The following ECPAS variants were observed in gnomAD, a reference collection of about 807,000 sequenced individuals.
ECPAS encodes the protein Ecm29 proteasome adaptor and scaffold.
A neutral mutation model predicts 255.1 loss-of-function variants in ECPAS; 70 were observed. The ratio of observed to expected loss-of-function variants is 0.27; its 90% CI spans 0.23 to 0.33. ECPAS has a LOEUF of 0.33. Ranked by LOEUF, ECPAS falls within the 10% of genes least tolerant of loss-of-function variation. The pLI is 1.00. For synonymous variants in ECPAS, 784 were observed against 775.0 expected, an observed-to-expected ratio of 1.01 and a Z score of -0.19; for missense variants, 1,817 against 2,206.4, an observed-to-expected ratio of 0.82 and a Z score of 3.54.
At chr9:111,399,700 C>T (rs1461015999) in intron 24 of ECPAS, among the ~76,000 whole-genome samples, 4 of 152,204 alleles carry the variant, frequency 2.6e-5, no homozygotes, top group Non-Finnish European at 4.4e-5. Flanking sequence ...CAACCAGGCA[C>T]CAGCCCACCC....
At chr9:111,481,914 T>A (rs2098305997) in intron 1 of ECPAS, among the ~76,000 whole-genome samples, 1 of 152,270 alleles carries the variant, frequency 6.6e-6, no homozygotes, top group South Asian at 2.1e-4. Context: ...GGACAGAAAG[T>A]ACAATGATGG....
chr9:111,420,386 G>A (rs1314459588), intron 15 of ECPAS, among the ~76,000 whole-genome samples: 1 of 152,112 alleles, frequency 6.6e-6, no homozygotes, highest in Non-Finnish European at 1.5e-5. Flanking sequence ...GAAGTAGGAA[G>A]ACCTCCAAGG....
At position 111,428,127 on chromosome 9, in the gene ECPAS, G is replaced by C. The variant is rs762555226; in HGVS notation, c.965C>G (p.Pro322Arg). The change falls in exon 10 of 50, where the codon CCT becomes CGT. Residue 322 changes from proline to arginine, a missense_variant. Physicochemically the swap from Pro to Arg is moderately radical, Grantham distance 103. This residue lies in a region of ECPAS where 573 missense variants were observed against 716.2 expected (regional missense o/e 0.80). Transcript: ENST00000684092. ...CTTTAACTTGACTCTTGTACTGACA[G>C]GGTCCCTTTTCAACTCTGGCTTCAG... ...AVLKPELKRD[P>R]VSTRVKLKIV... 6.2e-7 allele frequency: 1 copy of C among 1,612,442 alleles called. No homozygotes were observed. The highest frequency in any genetic ancestry group is 1.1e-5 in the South Asian group (1 of 90,834).
intron 49 of ECPAS, among the ~76,000 whole-genome samples, chr9:111,362,672 A>G (rs960978630): frequency 3.3e-5 from 5 of 152,326 alleles, no homozygotes; most frequent in Admixed American, 2.6e-4. Flanking sequence ...TTAGAAAATA[A>G]GAAAGTATAT....
chr9:111,433,530 T>A (rs1217692785), intron 7 of ECPAS, among the ~76,000 whole-genome samples, 158 bp from the exon 8 acceptor site: 24 of 152,254 alleles, frequency 1.6e-4, no homozygotes, highest in Non-Finnish European at 4.4e-5. Context: ...GGGACTGTAC[T>A]AAAGCACATA....
intron 2 of ECPAS, among the ~76,000 whole-genome samples, chr9:111,460,773 G>A (rs1434464413): frequency 1.3e-5 from 2 of 152,068 alleles, no homozygotes; most frequent in East Asian, 1.9e-4. Flanking sequence ...AAAATACACC[G>A]CTACAAGAAA....
intron 22 of ECPAS, among the ~76,000 whole-genome samples, chr9:111,410,630 C>T (rs941012438): frequency 6.6e-6 from 1 of 152,130 alleles, no homozygotes; most frequent in Non-Finnish European, 1.5e-5. Flanking sequence ...GATTCTCCCA[C>T]CTTAGCTTCC....
Position 111,363,573 on chromosome 9 carries a change from C to CA in ECPAS, c.5380+14_5380+15insT. 1 of 1,524,116 alleles carries CA rather than the reference C, an allele frequency of 6.6e-7. No individual in the cohort carries two copies. The highest frequency in any genetic ancestry group is 1.1e-5 in the South Asian group (1 of 87,234). The allele number at this position is 1,524,116 out of a possible 1,614,324, so 94.4% of individuals were successfully genotyped here. A position where few individuals can be genotyped will look rare whatever the true frequency, so the allele number is the denominator to read the frequency against. ...TGGCTTTATGGTCCCCCAGTCAGAACTAACAACAACTTACCTTCAAGTTTT... is the reference window on the plus strand; with the variant it reads ...TGGCTTTATGGTCCCCCAGTCAGAACATAACAACAACTTACCTTCAAGTTTT... On this transcript the variant is annotated intron_variant, in intron 49 of 49. Transcript: ENST00000684092.
At chr9:111,468,700 G>GTGTGTGTGTGTGTGTGTGTT (rs2098282561) in intron 2 of ECPAS, among the ~76,000 whole-genome samples, 1 of 152,108 alleles carries the variant, frequency 6.6e-6, no homozygotes, top group African/African-American at 2.4e-5. Flanking sequence ...GTGTGTGTGT[G>GTGTGTGTGTGTGTGTGTGTT]TGTGTTTCAC....
At position 111,397,310 on chromosome 9, in the gene ECPAS, G is replaced by C. The variant is rs532834169; in HGVS notation, c.2653-157C>G. On this transcript the variant is annotated intron_variant, in intron 24 of 49. Coordinates refer to ENST00000684092, the MANE Select transcript of ECPAS (RefSeq NM_001364929.1). ...GGCTAATTCAATGGCTCAAAGGCCA[G>C]GGATGGTGAGGGAGTGGAGGATATA... Among the ~76,000 whole-genome samples the C allele has an allele frequency of 7.9e-5, 12 of 152,350 alleles. No homozygotes were observed. The South Asian group carries it at 2.3e-3, about 29-fold the overall frequency.
chr9:111,368,581 C>T (rs974945624), intron 46 of ECPAS, among the ~76,000 whole-genome samples: 1 of 152,126 alleles, frequency 6.6e-6, no homozygotes. Flanking sequence ...AAGACAGAGC[C>T]TTTAAAGAGG....
chr9:111,447,423 T>C (rs141411607), intron 3 of ECPAS, among the ~76,000 whole-genome samples: 1 of 152,218 alleles, frequency 6.6e-6, no homozygotes, highest in African/African-American at 2.4e-5. Flanking sequence ...CTATTTTGAA[T>C]TTTAAATGGA....
chr9:111,446,124 C>A (rs965807200), intron 3 of ECPAS, among the ~76,000 whole-genome samples: 2 of 152,164 alleles, frequency 1.3e-5, no homozygotes, highest in African/African-American at 2.4e-5. Context: ...TGTGAATAGT[C>A]TGAGGCATTT....
intron 1 of ECPAS, among the ~76,000 whole-genome samples, chr9:111,479,756 G>A (rs907099848): frequency 1.3e-5 from 2 of 152,008 alleles, no homozygotes; most frequent in Non-Finnish European, 2.9e-5. Flanking sequence ...TGAGGTGGGG[G>A]GATCACGAGG....
At chr9:111,456,886 A>G (rs904566992) in intron 2 of ECPAS, among the ~76,000 whole-genome samples, 2 of 152,236 alleles carry the variant, frequency 1.3e-5, no homozygotes, top group African/African-American at 2.4e-5. Flanking sequence ...TCACAAGTAT[A>G]TGATAACTGC....
chr9:111,408,424 G>A (rs952310699), intron 24 of ECPAS, 147 bp downstream of exon 24: 3 of 560,914 alleles, frequency 5.3e-6, no homozygotes, highest in African/African-American at 1.9e-5. Context: ...ACAGTGATGA[G>A]CACAAAACTA....
At chr9:111,376,325 A>G in intron 37 of ECPAS, 151 bp downstream of exon 37, 1 of 602,660 alleles carries the variant, frequency 1.7e-6, no homozygotes, top group Admixed American at 2.9e-5. Flanking sequence ...CAGAGAAGAA[A>G]AGAGAAATAT....
intron 9 of ECPAS, 102 bp downstream of exon 9, chr9:111,430,445 C>A: frequency 1.3e-6 from 1 of 761,508 alleles, no homozygotes; most frequent in Non-Finnish European, 2.3e-6. Context: ...TGTTATAGCA[C>A]AGATTCAGCT....
At chr9:111,467,356 G>A (rs551959859) in intron 2 of ECPAS, among the ~76,000 whole-genome samples, 2 of 152,188 alleles carry the variant, frequency 1.3e-5, no homozygotes, top group Non-Finnish European at 2.9e-5. Context: ...AAAAGGAATA[G>A]AGAAAGGATT....
Sources: allele counts gnomAD v4.1 joint callset (sites outside exome capture counted in the v4.1 genomes callset), GRCh38; gene constraint gnomAD v4.1.1; regional missense constraint gnomAD v4.1.1; transcripts MANE v1.5; gene names NCBI Gene and HGNC (gene_info 2026-07-23, HGNC 2026-07-21).